The following CKMT2 variants were observed in gnomAD, a reference collection of about 807,000 sequenced individuals.
CKMT2 encodes the protein creatine kinase S-type, mitochondrial.
Under a neutral mutation model 48.9 loss-of-function variants are expected in CKMT2, and 43 were observed. The ratio of observed to expected loss-of-function variants is 0.88; its 90% CI spans 0.69 to 1.13. The LOEUF is 1.13. Among genes scored for constraint, CKMT2 ranks in the 50% most tolerant of loss-of-function variants. CKMT2 has a pLI of 0.00. For synonymous variants in CKMT2, 206 were observed against 213.0 expected (o/e 0.97, Z 0.29); for missense variants, 472 against 555.4 (o/e 0.85, Z 1.51).
intron 1 of CKMT2, chr5:81,242,551 T>C (rs1388583725): frequency 4.6e-6 from 2 of 431,258 alleles, no homozygotes; most frequent in Non-Finnish European, 9.1e-6. Context: ...CTGACATACA[T>C]AGGCTCATCA....
chr5:81,252,534 C>G (rs576487008), intron 2 of CKMT2, among the ~76,000 whole-genome samples, 161 bp from the exon 3 acceptor site: 2 of 152,322 alleles, frequency 1.3e-5, no homozygotes, highest in South Asian at 4.1e-4. Context: ...TTTTTTGAAA[C>G]CTGGTGTATT....
intron 5 of CKMT2, 52 bp from the exon 6 acceptor site, chr5:81,256,863 C>A: frequency 7.5e-7 from 1 of 1,329,806 alleles, no homozygotes; most frequent in Non-Finnish European, 1.1e-6. Flanking sequence ...ACTTGCAGTC[C>A]TGTTTGATCT....
intron 8 of CKMT2, among the ~76,000 whole-genome samples, chr5:81,261,001 CA>C (rs1192161500): frequency 1.3e-5 from 2 of 152,190 alleles, no homozygotes; most frequent in Non-Finnish European, 2.9e-5. Flanking sequence ...AGCAGCACAT[CA>C]AAAAGCTTAT....
rs1756961983 is a variant in CKMT2 at position 81,255,228 on chromosome 5, G to A, written c.669+14G>A. On this transcript the variant is annotated intron_variant, in intron 5 of 9. Coordinates refer to ENST00000254035, the MANE Select transcript of CKMT2 (RefSeq NM_001099735.2). ...CGGCTCATCGATGTGAGTAGCAGAT[G>A]GGGCTCCCTGGGGAAGGACTGGACC... is the stretch of plus-strand genomic sequence containing the variant. 1.9e-6 allele frequency: 3 copies of A among 1,609,728 alleles called. No individual in the cohort carries two copies. The highest frequency in any genetic ancestry group is 2.5e-6 in the Non-Finnish European group (3 of 1,176,696).
intron 1 of CKMT2, among the ~76,000 whole-genome samples, chr5:81,243,170 A>G (rs2112788200): frequency 6.6e-6 from 1 of 152,310 alleles, no homozygotes; most frequent in Non-Finnish European, 1.5e-5. Context: ...CAATACAAAC[A>G]TTAGGAGTGA....
intron 1 of CKMT2, among the ~76,000 whole-genome samples, chr5:81,243,848 C>T (rs1343276784): frequency 2.0e-5 from 3 of 152,104 alleles, no homozygotes; most frequent in Non-Finnish European, 4.4e-5. Flanking sequence ...TGCTACCACA[C>T]CTGGCTAATA....
chr5:81,251,314 A>C, intron 2 of CKMT2, 30 bp downstream of exon 2: 1 of 1,610,994 alleles, frequency 6.2e-7, no homozygotes, highest in Non-Finnish European at 8.5e-7. Flanking sequence ...AAATAACCTC[A>C]GGCCAGGCAC....
intron 1 of CKMT2, among the ~76,000 whole-genome samples, chr5:81,250,418 ACT>A (rs1162472817): frequency 6.6e-6 from 1 of 151,652 alleles, no homozygotes; most frequent in Non-Finnish European, 1.5e-5. Context: ...TCTTCTGTTG[ACT>A]CTCATTCATT....
intron 9 of CKMT2, among the ~76,000 whole-genome samples, chr5:81,263,861 C>G (rs772918607): frequency 2.0e-5 from 3 of 152,196 alleles, no homozygotes; most frequent in Non-Finnish European, 2.9e-5. Context: ...GGACTGTTGT[C>G]ACCGACCTGC....
Position 81,254,481 on chromosome 5 carries a change from A to T in CKMT2, c.437A>T (p.Asp146Val), listed in dbSNP as rs1288390688. The T allele has an allele frequency of 1.2e-6, 2 of 1,613,980 alleles. No individual in the cohort carries two copies. Among genetic ancestry groups the T allele is most frequent in the Admixed American group, 3.3e-5 (2 of 60,018 alleles). Reference protein sequence around the residue: ...PRVMKHTTDLDASKITQGQFD... With the variant: ...PRVMKHTTDLVASKITQGQFD... ...GTGATGAAGCACACAACGGATCTGG[A>T]TGCATCAAAGGTAGGCTCCAGCCTC... is the stretch of plus-strand genomic sequence containing the variant. The change falls in exon 4 of 10, where the codon GAT becomes GTT. Residue 146 changes from aspartate (D) to valine (V), a missense_variant. Coordinates refer to ENST00000254035, the MANE Select transcript of CKMT2 (RefSeq NM_001099735.2).
chr5:81,255,169 C>A lies in CKMT2; in HGVS notation c.624C>A (p.Tyr208Ter), dbSNP rs1456896348. ...AGGGGGACCTGGCTGGCCGCTACTA[C>A]AAGCTGTCCGAGATGACGGAGCAGG... ...GLKGDLAGRYYKLSEMTEQDQ... is the reference protein window; with the variant it reads ...GLKGDLAGRY The change falls in exon 5 of 10, where the codon TAC (tyrosine) becomes TAA (stop). Residue 208 changes from tyrosine to a stop codon, truncating the protein, a stop_gained. Transcript: ENST00000254035. LOFTEE classifies it high-confidence loss of function. 6.2e-7 allele frequency: 1 copy of A among 1,614,154 alleles called. No individual in the cohort carries two copies. Among genetic ancestry groups the A allele is most frequent in the Admixed American group, 1.7e-5 (1 of 60,028 alleles).
intron 9 of CKMT2, 108 bp from the exon 10 acceptor site, chr5:81,266,031 A>C: frequency 1.1e-6 from 1 of 891,678 alleles, no homozygotes; most frequent in East Asian, 2.5e-5. Context: ...ATTGTTGTGA[A>C]GTCCATCTAA....
chr5:81,257,856 A>AGTAAGATGTTAT lies in CKMT2; in HGVS notation c.879+1_879+12dup. 3.1e-6 allele frequency: 5 copies of AGTAAGATGTTAT among 1,610,156 alleles called. No individual in the cohort carries two copies. The highest frequency in any genetic ancestry group is 1.7e-5 in the Admixed American group (1 of 58,992). On this transcript the variant is annotated inframe_insertion and splice_region_variant. Transcript: ENST00000254035. ...AGCGATTCTGTCGTGGACTAAAAGAAGTAAGATGTTATCTGAGATTTCTGG... is the reference window on the plus strand; with the variant it reads ...AGCGATTCTGTCGTGGACTAAAAGAAGTAAGATGTTATGTAAGATGTTATCTGAGATTTCTGG...
chr5:81,249,728 T>C (rs1227222396), intron 1 of CKMT2, among the ~76,000 whole-genome samples: 1 of 152,226 alleles, frequency 6.6e-6, no homozygotes, highest in Non-Finnish European at 1.5e-5. Flanking sequence ...TTGTTATTGA[T>C]CTGTTTTTTA....
chr5:81,257,618 C>T (rs1243050280), intron 6 of CKMT2, 115 bp from the exon 7 acceptor site: 2 of 831,040 alleles, frequency 2.4e-6, no homozygotes, highest in Non-Finnish European at 3.7e-6. Context: ...AGATTAGGGC[C>T]ATCTAGGAAA....
At chr5:81,266,095 A>G (rs1301041873) in intron 9 of CKMT2, 44 bp from the exon 10 acceptor site, 4 of 1,596,892 alleles carry the variant, frequency 2.5e-6, no homozygotes, top group Non-Finnish European at 3.4e-6. Context: ...TGCCCTGCAG[A>G]TGCTTCTATT....
At chr5:81,263,401 CTCACTA>C in intron 8 of CKMT2, 84 bp from the exon 9 acceptor site, 1 of 696,520 alleles carries the variant, frequency 1.4e-6, no homozygotes, top group Middle Eastern at 3.3e-4. Flanking sequence ...ACTGTTATCT[CTCACTA>C]TATGTCTTTT....
At position 81,256,969 on chromosome 5, in the gene CKMT2, G is replaced by A. The variant is rs1757031995; in HGVS notation, c.724G>A (p.Ala242Thr). The change falls in exon 6 of 10, where the codon GCC becomes ACC. Residue 242 changes from alanine to threonine, a missense_variant. By Grantham distance (58) the Ala-to-Thr change is moderately conservative (BLOSUM62 0). Transcript: ENST00000254035. The part of the protein sequence containing the change: ...VSPLLTCAGM[A>T]RDWPDARGIW... Reference sequence around the variant, plus strand: ...CCCTTTATTAACATGTGCTGGGATGGCCCGTGACTGGCCAGATGCCAGGGG... The same window carrying A: ...CCCTTTATTAACATGTGCTGGGATGACCCGTGACTGGCCAGATGCCAGGGG... 2 of 1,613,892 alleles carry A rather than the reference G, an allele frequency of 1.2e-6. No homozygotes were observed. The highest frequency in any genetic ancestry group is 1.1e-5 in the South Asian group (1 of 91,060).
chr5:81,263,899 C>T (rs1044608606), intron 9 of CKMT2, among the ~76,000 whole-genome samples: 14 of 152,278 alleles, frequency 9.2e-5, no homozygotes, highest in South Asian at 2.1e-4. Flanking sequence ...CAATCCTCAG[C>T]GAGCAGGAGC....
Sources: gnomAD v4.1 joint callset for allele counts (sites outside exome capture counted in the v4.1 genomes callset) on GRCh38, gnomAD v4.1.1 for gene constraint, MANE v1.5 for transcripts, NCBI Gene and HGNC (gene_info 2026-07-23, HGNC 2026-07-21) for gene names.